Variants in PDE3B observed in about 807,000 individuals in gnomAD.
The protein encoded by PDE3B is phosphodiesterase 3B.
PDE3B carries 66 observed loss-of-function variants against 116.8 expected under a neutral mutation model. The observed-to-expected ratio is 0.56, with a 90% confidence interval of 0.46 to 0.69. The LOEUF (loss-of-function observed/expected upper bound fraction) is 0.69. PDE3B is among the 30% of genes least tolerant of loss of function. The pLI, the probability that PDE3B is intolerant of heterozygous loss-of-function variation, is 0.00. For missense variants in PDE3B, 1,384 were observed against 1,368.1 expected, an observed-to-expected ratio of 1.01 and a Z score of -0.18; for synonymous variants, 595 against 533.6, an observed-to-expected ratio of 1.12 and a Z score of -1.59.
At chr11:14,650,944 G>C (rs543647762) in intron 1 of PDE3B, among the ~76,000 whole-genome samples, 107 of 151,964 alleles carry the variant, frequency 7.0e-4, no homozygotes, top group African/African-American at 2.6e-3. Flanking sequence ...AGACCTACGA[G>C]ATACATTTGT....
intron 1 of PDE3B, among the ~76,000 whole-genome samples, chr11:14,665,999 A>T (rs896254826): frequency 1.3e-5 from 2 of 152,218 alleles, no homozygotes; most frequent in African/African-American, 4.8e-5. Context: ...AAAAGAACAA[A>T]GCTGGAGGCA....
At chr11:14,881,864 T>C in the PDE3B span, among the ~76,000 whole-genome samples, 1 of 152,050 alleles carries the variant, frequency 6.6e-6, no homozygotes, top group African/African-American at 2.4e-5. Flanking sequence ...AAACCTCTTT[T>C]CTTTATAGGT....
At chr11:14,725,138 T>G (rs1464172859) in intron 1 of PDE3B, among the ~76,000 whole-genome samples, 1 of 152,186 alleles carries the variant, frequency 6.6e-6, no homozygotes, top group Non-Finnish European at 1.5e-5. Flanking sequence ...CATGCTACTT[T>G]TGAGGTATCT....
At chr11:14,806,010 G>A (rs769018607) in intron 5 of PDE3B, among the ~76,000 whole-genome samples, 1 of 152,220 alleles carries the variant, frequency 6.6e-6, no homozygotes, top group African/African-American at 2.4e-5. Context: ...TGGAGAGGAG[G>A]TGGAGAAATA....
At chr11:14,890,085 C>T in the PDE3B span, among the ~76,000 whole-genome samples, 3 of 152,132 alleles carry the variant, frequency 2.0e-5, no homozygotes, top group Non-Finnish European at 4.4e-5. Context: ...GCCGAGATGG[C>T]GTCACTGCAC....
chr11:14,771,969 G>A lies in PDE3B; in HGVS notation c.1011G>A (p.Trp337Ter), dbSNP rs766300624. Reference sequence around the variant, plus strand: ...TTTGGGATTGGGACTTAAAACAATGGTATAAGCCTCATTATCAAGTAAGTA... The same window carrying A: ...TTTGGGATTGGGACTTAAAACAATGATATAAGCCTCATTATCAAGTAAGTA... ...MILWDWDLKQ[W>*]YKPHYQNSGG... The change falls in exon 2 of 16, where the codon TGG (tryptophan) becomes TGA (stop). Residue 337 changes from tryptophan (W) to a stop codon, truncating the protein, a stop_gained. Coordinates refer to ENST00000282096, the MANE Select transcript of PDE3B (RefSeq NM_000922.4). LOFTEE classifies it high-confidence loss of function. The A allele has an allele frequency of 7.3e-7, 1 of 1,364,636 alleles. No homozygotes were observed. The highest frequency in any genetic ancestry group is 1.0e-6 in the Non-Finnish European group (1 of 1,002,334). 84.5% of individuals were successfully genotyped at this position (1,364,636 alleles called of 1,614,324 possible).
intron 5 of PDE3B, among the ~76,000 whole-genome samples, chr11:14,817,255 G>T (rs1480568274): frequency 6.6e-6 from 1 of 151,906 alleles, no homozygotes; most frequent in Non-Finnish European, 1.5e-5. Context: ...TTGGACACAG[G>T]GTGGGGAACA....
intron 2 of PDE3B, among the ~76,000 whole-genome samples, chr11:14,785,606 C>T (rs1473684170): frequency 6.6e-6 from 1 of 151,962 alleles, no homozygotes; most frequent in African/African-American, 2.4e-5. Context: ...GATTACTAGT[C>T]CATTTATTTC....
chr11:14,885,698 G>A, the PDE3B span: 3 of 1,431,172 alleles, frequency 2.1e-6, no homozygotes, highest in Non-Finnish European at 2.9e-6. Context: ...AATCCCAACT[G>A]TATGCACTAA....
the PDE3B span, among the ~76,000 whole-genome samples, chr11:14,884,801 C>G: frequency 6.6e-6 from 1 of 152,062 alleles, no homozygotes; most frequent in Non-Finnish European, 1.5e-5. Flanking sequence ...AATAAATTTA[C>G]AGCTTTGAAA....
chr11:14,716,356 A>G (rs1855892679), intron 1 of PDE3B, among the ~76,000 whole-genome samples: 1 of 151,916 alleles, frequency 6.6e-6, no homozygotes, highest in Non-Finnish European at 1.5e-5. Context: ...GGAGCCCGCC[A>G]TTGCCCAGGC....
rs72869772 is a variant in PDE3B at position 14,813,094 on chromosome 11, C to G, written c.1523-5089C>G. Among the ~76,000 whole-genome samples the G allele has an allele frequency of 7.2e-5, 11 of 152,310 alleles. No individual in the cohort carries two copies. In the South Asian group the frequency reaches 2.3e-3, roughly 32 times the overall value. On this transcript the variant is annotated intron_variant, in intron 5 of 15. Transcript: ENST00000282096. ...ATCTTGCACTTCCCAGCCTCCAGAA[C>G]TGTGAGAATAAATTTCTCTTATTTA...
At chr11:14,742,876 C>T (rs1856809421) in intron 1 of PDE3B, among the ~76,000 whole-genome samples, 1 of 152,090 alleles carries the variant, frequency 6.6e-6, no homozygotes, top group Non-Finnish European at 1.5e-5. Flanking sequence ...CCCTGTTTGC[C>T]TGAATGTCAC....
chr11:14,885,571 C>G, the PDE3B span, among the ~76,000 whole-genome samples: 1 of 152,122 alleles, frequency 6.6e-6, no homozygotes, highest in Non-Finnish European at 1.5e-5. Context: ...CTTATTAGAG[C>G]TGGACCACAA....
chr11:14,880,177 C>A, the PDE3B span: 1 of 1,612,782 alleles, frequency 6.2e-7, no homozygotes, highest in South Asian at 1.1e-5. Flanking sequence ...AATCGCCCAC[C>A]GTAGCACATT....
At position 14,644,395 on chromosome 11, in the gene PDE3B, G is replaced by A; in HGVS notation, c.320G>A (p.Trp107Ter). The change falls in exon 1 of 16, where the codon TGG becomes TAG. Residue 107 changes from tryptophan (W) to a stop codon, truncating the protein, a stop_gained. Transcript: ENST00000282096. LOFTEE classifies it high-confidence loss of function. ...EPESWAAGAA[W>*]LRTLLSVCSH... is the part of the protein sequence containing the mutation. ...GAGAGCTGGGCTGCCGGGGCCGCCTGGCTGCGGACGCTGCTGAGCGTGTGT... is the reference window on the plus strand; with the variant it reads ...GAGAGCTGGGCTGCCGGGGCCGCCTAGCTGCGGACGCTGCTGAGCGTGTGT... 6.2e-7 allele frequency: 1 copy of A among 1,605,278 alleles called. No homozygotes were observed. Among genetic ancestry groups the A allele is most frequent in the Non-Finnish European group, 8.5e-7 (1 of 1,176,736 alleles).
chr11:14,773,823 A>G (rs1433192707), intron 2 of PDE3B: 2 of 152,144 alleles, frequency 1.3e-5, no homozygotes, highest in Non-Finnish European at 2.9e-5. Context: ...TACTTGGTTT[A>G]TCTCTCTCTT....
intron 1 of PDE3B, among the ~76,000 whole-genome samples, chr11:14,660,445 G>A (rs7103015): frequency 0.14 from 21,314 of 151,512 alleles, 2,190 homozygotes; most frequent in African/African-American, 0.3. Flanking sequence ...GGGGCTACAG[G>A]CACGTGCCAC....
chr11:14,774,584 C>T (rs1444832968), intron 2 of PDE3B: 1 of 152,208 alleles, frequency 6.6e-6, no homozygotes, highest in Admixed American at 6.5e-5. Flanking sequence ...CCTCCCACTC[C>T]TCTTCTTTTT....
Sources: allele counts gnomAD v4.1 joint callset (sites outside exome capture counted in the v4.1 genomes callset), GRCh38; gene constraint gnomAD v4.1.1; transcripts MANE v1.5; gene names NCBI Gene and HGNC (gene_info 2026-07-23, HGNC 2026-07-21).